NIN: variants seen among roughly 807,000 people sequenced by gnomAD.
NIN encodes glycogen synthase kinase 3 beta-interacting protein.
In NIN, 137 loss-of-function variants were observed where a neutral mutation model predicts 257.6. The ratio of observed to expected loss-of-function variants is 0.53; its 90% CI spans 0.46 to 0.61. NIN has a LOEUF of 0.61. Ranked by LOEUF, NIN falls within the 20% of genes least tolerant of loss-of-function variation. NIN has a pLI of 0.00. For missense variants in NIN, 2,439 were observed against 2,501.2 expected, an observed-to-expected ratio of 0.98 and a Z score of 0.53; for synonymous variants, 918 against 919.8, an observed-to-expected ratio of 1.00 and a Z score of 0.04.
intron 4 of NIN, among the ~76,000 whole-genome samples, chr14:50,803,810 C>T (rs2044201489): frequency 6.6e-6 from 1 of 152,000 alleles, no homozygotes; most frequent in Non-Finnish European, 1.5e-5. Context: ...TGATGTACTG[C>T]ATTTGAATCC....
intron 2 of NIN, among the ~76,000 whole-genome samples, chr14:50,829,713 G>C (rs1348634365): frequency 1.3e-5 from 2 of 152,224 alleles, no homozygotes; most frequent in African/African-American, 2.4e-5. Context: ...TGGTAGGGCA[G>C]TCTTTCCAGC....
At chr14:50,739,881 TAAAGA>T (rs2041190531) in intron 25 of NIN, among the ~76,000 whole-genome samples, 1 of 152,324 alleles carries the variant, frequency 6.6e-6, no homozygotes, top group South Asian at 2.1e-4. Flanking sequence ...ACAGAGGACA[TAAAGA>T]GAAGGCTGAA....
intron 28 of NIN, among the ~76,000 whole-genome samples, chr14:50,730,269 G>A (rs566106375): frequency 1.2e-4 from 18 of 152,236 alleles, no homozygotes; most frequent in Middle Eastern, 3.4e-3. Flanking sequence ...GCACAAGACA[G>A]ACAATTCTGG....
intron 17 of NIN, among the ~76,000 whole-genome samples, chr14:50,759,231 C>T (rs1226957534): frequency 6.6e-6 from 1 of 152,160 alleles, no homozygotes; most frequent in Non-Finnish European, 1.5e-5. Context: ...TAGCTTTTCT[C>T]AGAAAGCAAC....
In NIN at chr14:50,756,764, C is replaced by A; in HGVS notation, c.4266G>T (p.Arg1422Ser). Residue 1422 changes from arginine to serine, a missense_variant, in exon 18 of 31, where the codon AGG (arginine) becomes AGT (serine). By Grantham distance (110) the Arg-to-Ser change is moderately radical (BLOSUM62 -1). Coordinates refer to ENST00000530997, the MANE Select transcript of NIN (RefSeq NM_020921.4). Reference protein sequence around the residue: ...LHGTIQTHQERPRVQNQVILE... With the variant: ...LHGTIQTHQESPRVQNQVILE... ...GTATAACTTGATTCTGTACTCTTGG[C>A]CTTTCTTGATGTGTCTGAATTGTTC... 1 of 1,551,524 alleles carries A rather than the reference C, an allele frequency of 6.4e-7. No homozygotes were observed. Among genetic ancestry groups the A allele is most frequent in the South Asian group, 1.2e-5 (1 of 84,062 alleles).
At position 50,762,057 on chromosome 14, in the gene NIN, C is replaced by G. The variant is rs374923939; in HGVS notation, c.1775-146G>C. 34 of 805,420 alleles carry G rather than the reference C, an allele frequency of 4.2e-5. No homozygotes were observed. In the East Asian group the frequency reaches 7.0e-4, roughly 17 times the overall value. The allele number at this position is 805,420 out of a possible 1,614,324, so 49.9% of individuals were successfully genotyped here. On this transcript the variant is annotated intron_variant, in intron 15 of 30. Coordinates refer to ENST00000530997, the MANE Select transcript of NIN (RefSeq NM_020921.4). Reference sequence around the variant, plus strand: ...TGAACTAATAGGAAATAACAGAGGCCAAGAGAAGTCTTTTCTCTTTTCAAG... The same window carrying G: ...TGAACTAATAGGAAATAACAGAGGCGAAGAGAAGTCTTTTCTCTTTTCAAG...
chr14:50,830,150 G>A (rs1001664692), intron 2 of NIN, among the ~76,000 whole-genome samples: 2 of 152,176 alleles, frequency 1.3e-5, no homozygotes, highest in Admixed American at 1.3e-4. Context: ...AGGCTGTACG[G>A]GCGGCACATG....
chr14:50,774,408 C>T (rs1254197597), intron 7 of NIN, among the ~76,000 whole-genome samples: 1 of 152,160 alleles, frequency 6.6e-6, no homozygotes, highest in East Asian at 1.9e-4. Flanking sequence ...AGTTTCCATT[C>T]TTGCTTTCAT....
At chr14:50,822,888 T>C (rs1566884858) in intron 2 of NIN, among the ~76,000 whole-genome samples, 1 of 152,172 alleles carries the variant, frequency 6.6e-6, no homozygotes, top group Non-Finnish European at 1.5e-5. Flanking sequence ...TTTCAACCTT[T>C]CAGACAGTGA....
chr14:50,737,118 A>C (rs2041017389), intron 27 of NIN, among the ~76,000 whole-genome samples: 1 of 152,172 alleles, frequency 6.6e-6, no homozygotes, highest in Non-Finnish European at 1.5e-5. Context: ...GTGCAGCAGA[A>C]ATGTTGGTAT....
At chr14:50,771,724 G>A (rs150286319) in intron 9 of NIN, among the ~76,000 whole-genome samples, 6,331 of 151,926 alleles carry the variant, frequency 0.042, 134 homozygotes, top group Non-Finnish European at 0.051. Flanking sequence ...AGTGGCTCAC[G>A]CCCGTAATCC....
intron 5 of NIN, among the ~76,000 whole-genome samples, chr14:50,783,747 A>AG (rs931093829): frequency 6.6e-6 from 1 of 152,168 alleles, no homozygotes; most frequent in Non-Finnish European, 1.5e-5. Flanking sequence ...CAGGGAGAGA[A>AG]GGAGGGGAAG....
rs535077933 is a variant in NIN, at chr14:50,807,513, AAG to A, written c.184-697_184-696del. 1.1e-4 allele frequency among the ~76,000 whole-genome samples: 17 copies of A among 152,348 alleles called. No homozygotes were observed. The South Asian group carries it at 3.1e-3, about 28-fold the overall frequency. The stretch of plus-strand genomic sequence containing the variant: ...AGGTAAAAGCATTTTCTTTATGGCC[AAG>A]GATATTCTATAACTTAGATGTATGT... On this transcript the variant is annotated intron_variant, in intron 3 of 30. Coordinates refer to ENST00000530997, the MANE Select transcript of NIN (RefSeq NM_020921.4).
chr14:50,726,230 A>C, intron 29 of NIN, 164 bp from the exon 30 acceptor site: 2 of 584,144 alleles, frequency 3.4e-6, no homozygotes, highest in Non-Finnish European at 6.1e-6. Context: ...CATGGATTGC[A>C]TATGTCAGAA....
chr14:50,723,915 T>C, intron 30 of NIN: 1 of 452,240 alleles, frequency 2.2e-6, no homozygotes, highest in South Asian at 3.0e-5. Flanking sequence ...ATAGAACAGA[T>C]TGATATTAGA....
At chr14:50,786,623 T>A (rs2043358995) in intron 5 of NIN, among the ~76,000 whole-genome samples, 2 of 151,016 alleles carry the variant, frequency 1.3e-5, no homozygotes, top group African/African-American at 2.4e-5. Context: ...AGGAAAAGAA[T>A]GGAATTCCAT....
chr14:50,787,995 ATAAGACT>A (rs1015959923), intron 5 of NIN, among the ~76,000 whole-genome samples: 5 of 152,130 alleles, frequency 3.3e-5, no homozygotes, highest in African/African-American at 1.2e-4. Flanking sequence ...TTTCCATCTG[ATAAGACT>A]TAAGACAATA....
chr14:50,819,777 TTC>T (rs1343842285), intron 3 of NIN, among the ~76,000 whole-genome samples: 2 of 152,246 alleles, frequency 1.3e-5, no homozygotes, highest in Admixed American at 1.3e-4. Context: ...CTTTCTTTCT[TTC>T]TTTTTTAATT....
At chr14:50,741,966 T>A (rs1410400471) in intron 24 of NIN, 2 of 430,694 alleles carry the variant, frequency 4.6e-6, no homozygotes, top group African/African-American at 3.9e-5. Flanking sequence ...CTGATAGTCA[T>A]CTGGTAGATT....
Sources: gnomAD v4.1 joint callset for allele counts (sites outside exome capture counted in the v4.1 genomes callset) on GRCh38, gnomAD v4.1.1 for gene constraint, MANE v1.5 for transcripts, NCBI Gene and HGNC (gene_info 2026-07-23, HGNC 2026-07-21) for gene names.